Variants in NT5M observed in about 807,000 individuals in gnomAD.
The protein encoded by NT5M is 5',3'-nucleotidase, mitochondrial.
A neutral mutation model predicts 22.2 loss-of-function variants in NT5M; 22 were observed. The ratio of observed to expected loss-of-function variants is 0.99; its 90% confidence interval spans 0.71 to 1.41. The LOEUF (loss-of-function observed/expected upper bound fraction) is 1.41, where lower values mean the gene tolerates loss of function less well. Ranked by LOEUF, NT5M falls within the 40% of genes most tolerant of loss-of-function variation. The pLI, the probability that NT5M is intolerant of heterozygous loss-of-function variation, is 0.00. For missense variants in NT5M, 322 were observed against 314.8 expected, an observed-to-expected ratio of 1.02 and a Z score of -0.17; for synonymous variants, 167 against 133.0, an observed-to-expected ratio of 1.26 and a Z score of -1.76.
intron 2 of NT5M, among the ~76,000 whole-genome samples, chr17:17,309,821 T>C (rs2048887026): frequency 6.6e-6 from 1 of 151,344 alleles, no homozygotes; most frequent in South Asian, 2.1e-4. Context: ...TAAAAACTTT[T>C]GTGGTTTTTG....
intron 3 of NT5M, among the ~76,000 whole-genome samples, chr17:17,329,686 C>G (rs915505613): frequency 1.3e-5 from 2 of 152,034 alleles, no homozygotes; most frequent in African/African-American, 2.4e-5. Context: ...TCAAAAATTC[C>G]CACTTCAGGC....
chr17:17,322,726 C>G (rs535619322), intron 2 of NT5M, among the ~76,000 whole-genome samples: 1 of 152,314 alleles, frequency 6.6e-6, no homozygotes, highest in African/African-American at 2.4e-5. Flanking sequence ...TGGGTCAGCT[C>G]TCCCGCGGAG....
At chr17:17,315,803 A>G (rs1021643340) in intron 2 of NT5M, among the ~76,000 whole-genome samples, 1 of 129,100 alleles carries the variant, frequency 7.7e-6, no homozygotes, top group Non-Finnish European at 1.5e-5. Context: ...CACCCAGGCT[A>G]GAGTGCAGCG....
chr17:17,336,151 C>T (rs529285966), intron 3 of NT5M, among the ~76,000 whole-genome samples: 5 of 151,720 alleles, frequency 3.3e-5, no homozygotes, highest in African/African-American at 7.2e-5. Context: ...TGCAGGTGCC[C>T]GCCACCACGC....
chr17:17,336,609 G>A (rs572203090), intron 3 of NT5M, among the ~76,000 whole-genome samples: 1 of 148,746 alleles, frequency 6.7e-6, no homozygotes, highest in East Asian at 2.0e-4. Context: ...TGAGTGCAGT[G>A]GCGTGATCTC....
intron 4 of NT5M, 42 bp from the exon 5 acceptor site, chr17:17,346,763 A>G: frequency 6.2e-7 from 1 of 1,602,620 alleles, no homozygotes; most frequent in Non-Finnish European, 8.5e-7. Flanking sequence ...GCTGCGCTCC[A>G]GGTCTCCACT....
At chr17:17,323,835 T>A (rs889594774) in intron 3 of NT5M, among the ~76,000 whole-genome samples, 3 of 152,148 alleles carry the variant, frequency 2.0e-5, no homozygotes, top group Admixed American at 2.0e-4. Flanking sequence ...CCTTCAGGCA[T>A]GAGTTCTTTC....
intron 4 of NT5M, among the ~76,000 whole-genome samples, chr17:17,346,160 C>T (rs554724236): frequency 4.1e-4 from 62 of 151,880 alleles, no homozygotes; most frequent in Non-Finnish European, 7.4e-4. Context: ...TCCCCAGCCT[C>T]GTGGGTTCCC....
Position 17,344,917 on chromosome 17 carries a change from C to T in NT5M, c.544+9C>T, listed in dbSNP as rs755493040. Reference sequence around the variant, plus strand: ...CCGGCCGGACATCACAGGCAAGTGGCCTGCGACAGGTGAGGAGCACGTGGG... The same window carrying T: ...CCGGCCGGACATCACAGGCAAGTGGTCTGCGACAGGTGAGGAGCACGTGGG... On this transcript the variant is annotated intron_variant, in intron 4 of 4. Transcript: ENST00000389022. 4.3e-6 allele frequency: 7 copies of T among 1,614,030 alleles called. No homozygotes were observed. In the South Asian group the frequency reaches 6.6e-5, roughly 15 times the overall value.
chr17:17,323,776 G>A (rs1037221504), intron 3 of NT5M, among the ~76,000 whole-genome samples: 2 of 152,200 alleles, frequency 1.3e-5, no homozygotes, highest in Non-Finnish European at 2.9e-5. Context: ...CCGAGCTGAG[G>A]AAGGCAAGAT....
At chr17:17,330,457 C>T (rs747395511) in intron 3 of NT5M, among the ~76,000 whole-genome samples, 15 of 149,344 alleles carry the variant, frequency 1.0e-4, no homozygotes, top group South Asian at 2.1e-4. Context: ...CTCACTGCAA[C>T]GTCTGCCTCC....
intron 3 of NT5M, among the ~76,000 whole-genome samples, chr17:17,325,166 G>A (rs2049239646): frequency 6.6e-6 from 1 of 152,194 alleles, no homozygotes; most frequent in African/African-American, 2.4e-5. Flanking sequence ...CACTATTTCA[G>A]CTGGAGTTTC....
At position 17,342,432 on chromosome 17, in the gene NT5M, C is replaced by T. The variant is rs567038900; in HGVS notation, c.430-2362C>T. 5.3e-5 allele frequency among the ~76,000 whole-genome samples: 8 copies of T among 152,302 alleles called. No homozygotes were observed. In the South Asian group the frequency reaches 1.5e-3, roughly 28 times the overall value. On this transcript the variant is annotated intron_variant, in intron 3 of 4. Transcript: ENST00000389022. ...AGAGTGGCGCCGGTCCGAGATGAAA[C>T]ACGGAAACTGGGTGTGTGTGATTGG...
At chr17:17,316,646 G>C (rs1204368274) in intron 2 of NT5M, among the ~76,000 whole-genome samples, 6 of 150,158 alleles carry the variant, frequency 4.0e-5, no homozygotes, top group Non-Finnish European at 8.9e-5. Context: ...GAAGTGCTGG[G>C]ATTACAGAAG....
chr17:17,325,175 T>G (rs1262233385), intron 3 of NT5M, among the ~76,000 whole-genome samples: 3 of 152,184 alleles, frequency 2.0e-5, no homozygotes, highest in Admixed American at 1.3e-4. Flanking sequence ...AGCTGGAGTT[T>G]CACTGGGTGG....
intron 3 of NT5M, among the ~76,000 whole-genome samples, chr17:17,340,886 T>G (rs539899698): frequency 1.3e-5 from 2 of 152,280 alleles, no homozygotes; most frequent in Non-Finnish European, 2.9e-5. Flanking sequence ...GTTTTTCTTC[T>G]TCTTTTTTTA....
intron 2 of NT5M, among the ~76,000 whole-genome samples, chr17:17,317,601 A>G (rs1028291538): frequency 2.0e-5 from 3 of 152,216 alleles, no homozygotes; most frequent in Admixed American, 6.5e-5. Context: ...TAAAAAAACC[A>G]CAATTCACAT....
In NT5M at chr17:17,346,882, C is replaced by T. The variant is rs149998296; in HGVS notation, c.622C>T (p.Arg208Cys). Reference protein sequence around the residue: ...HNQHLQLQPPRRRLHSWADDW... With the variant: ...HNQHLQLQPPCRRLHSWADDW... ...CCAGCACCTGCAGCTGCAGCCCCCC[C>T]GCCGCAGGCTGCACTCGTGGGCGGA... The change falls in exon 5 of 5, where the codon CGC (arginine) becomes TGC (cysteine). Residue 208 changes from arginine (R) to cysteine (C), a missense_variant. Physicochemically the swap from Arg to Cys is radical, Grantham distance 180. Coordinates refer to ENST00000389022, the MANE Select transcript of NT5M (RefSeq NM_020201.4). The T allele has an allele frequency of 9.8e-5, 157 of 1,609,946 alleles. 1 individual carries two copies. Among genetic ancestry groups the T allele is most frequent in the South Asian group, 4.0e-4 (36 of 91,068 alleles).
At chr17:17,320,734 C>G (rs1026049089) in intron 2 of NT5M, among the ~76,000 whole-genome samples, 3 of 152,124 alleles carry the variant, frequency 2.0e-5, no homozygotes, top group Non-Finnish European at 2.9e-5. Context: ...GGCCTAGACC[C>G]AACCTGGAGC....
Sources: allele counts gnomAD v4.1 joint callset (sites outside exome capture counted in the v4.1 genomes callset), GRCh38; gene constraint gnomAD v4.1.1; transcripts MANE v1.5; gene names NCBI Gene and HGNC (gene_info 2026-07-23, HGNC 2026-07-21).